Variants in TACC2 observed in about 807,000 individuals in gnomAD.
The protein encoded by TACC2 is transforming acidic coiled-coil containing protein 2, also known as transforming acidic coiled-coil-containing protein 2.
Under a neutral mutation model 227.3 loss-of-function variants are expected in TACC2, and 137 were observed. The ratio of observed to expected loss-of-function variants is 0.60; its 90% CI spans 0.52 to 0.69. The LOEUF (loss-of-function observed/expected upper bound fraction) is 0.69, where lower values mean the gene tolerates loss of function less well. Among genes scored for constraint, TACC2 ranks in the 30% least tolerant of loss-of-function variants. The pLI is 0.00. For synonymous variants in TACC2, 1,523 were observed against 1,487.5 expected (o/e 1.02, Z -0.55); for missense variants, 3,470 against 3,694.4 (o/e 0.94, Z 1.57).
Position 122,254,518 on chromosome 10 carries a change from A to C in TACC2, c.*462A>C, listed in dbSNP as rs1487511484. Reference sequence around the variant, plus strand: ...CAAATAAAATTCTCTATTGTAAATAAAATTTTTTCTTTGGATCTTGGCAAT... The same window carrying C: ...CAAATAAAATTCTCTATTGTAAATACAATTTTTTCTTTGGATCTTGGCAAT... On this transcript the variant is annotated 3_prime_UTR_variant, in exon 23 of 23. Coordinates refer to ENST00000369005, the MANE Select transcript of TACC2 (RefSeq NM_206862.4). The C allele has an allele frequency of 6.4e-6, 1 of 155,646 alleles. No homozygotes were observed. The highest frequency in any genetic ancestry group is 1.4e-5 in the Non-Finnish European group (1 of 70,388). 9.6% of individuals were successfully genotyped at this position (155,646 alleles called of 1,614,324 possible).
chr10:122,143,820 C>A, intron 7 of TACC2, 114 bp downstream of exon 7: 1 of 1,225,230 alleles, frequency 8.2e-7, no homozygotes, highest in Non-Finnish European at 1.1e-6. Flanking sequence ...AGGTGGTGAC[C>A]ATTTGGCCCC....
chr10:122,091,987 A>G (rs547259635), intron 5 of TACC2, among the ~76,000 whole-genome samples: 29 of 152,340 alleles, frequency 1.9e-4, no homozygotes, highest in African/African-American at 7.0e-4. Flanking sequence ...AATTGCCATG[A>G]GGGTTAAATG....
intron 5 of TACC2, among the ~76,000 whole-genome samples, chr10:122,091,965 C>T (rs923963391): frequency 6.6e-6 from 1 of 152,210 alleles, no homozygotes; most frequent in African/African-American, 2.4e-5. Context: ...ACCAATTGTA[C>T]CTGCCTCAAA....
intron 7 of TACC2, among the ~76,000 whole-genome samples, chr10:122,157,539 G>A (rs932809185): frequency 2.6e-5 from 4 of 151,524 alleles, no homozygotes; most frequent in African/African-American, 7.3e-5. Context: ...TTAACCTGTC[G>A]GATTTTATGA....
At chr10:122,138,238 G>A (rs548389325) in intron 6 of TACC2, among the ~76,000 whole-genome samples, 2 of 152,204 alleles carry the variant, frequency 1.3e-5, no homozygotes, top group South Asian at 2.1e-4. Flanking sequence ...GGTTGGGTGC[G>A]GTGGCTTATG....
In TACC2 at chr10:122,028,250, C is replaced by T. The variant is rs550008079; in HGVS notation, c.33+6236C>T. Reference sequence around the variant, plus strand: ...GATTACAGGTGCATGCCACCATGCCCGGCTAATTTTTGTACTTTTAGTAGA... The same window carrying T: ...GATTACAGGTGCATGCCACCATGCCTGGCTAATTTTTGTACTTTTAGTAGA... On this transcript the variant is annotated intron_variant, in intron 2 of 22. Transcript: ENST00000369005. 6.1e-4 allele frequency among the ~76,000 whole-genome samples: 92 copies of T among 151,548 alleles called. 2 individuals are homozygous for T. The South Asian group carries it at 0.016, about 27-fold the overall frequency.
chr10:122,046,898 A>G (rs970541804), intron 2 of TACC2, among the ~76,000 whole-genome samples: 3 of 152,196 alleles, frequency 2.0e-5, no homozygotes, highest in African/African-American at 7.2e-5. Context: ...AATTTCAAAA[A>G]TGCAGGACCC....
At position 122,254,095 on chromosome 10, in the gene TACC2, A is replaced by G. The variant is rs755933143; in HGVS notation, c.*39A>G. The G allele has an allele frequency of 3.2e-6, 5 of 1,561,800 alleles. No homozygotes were observed. In the East Asian group the frequency reaches 9.0e-5, roughly 28 times the overall value. On this transcript the variant is annotated 3_prime_UTR_variant, in exon 23 of 23. Transcript: ENST00000369005. ...GTTTTGGACTTAACTGTTGCGTGCAATATGACCGTCGGCACACTGCTGTTC... is the reference window on the plus strand; with the variant it reads ...GTTTTGGACTTAACTGTTGCGTGCAGTATGACCGTCGGCACACTGCTGTTC...
chr10:122,075,634 C>T (rs919837377), intron 3 of TACC2, among the ~76,000 whole-genome samples: 10 of 152,158 alleles, frequency 6.6e-5, no homozygotes, highest in Non-Finnish European at 2.9e-5. Flanking sequence ...AGCTGGGGAT[C>T]ACCTTTCAGT....
At chr10:122,041,412 A>G (rs2074242384) in intron 2 of TACC2, among the ~76,000 whole-genome samples, 1 of 151,174 alleles carries the variant, frequency 6.6e-6, no homozygotes, top group African/African-American at 2.4e-5. Flanking sequence ...GAATTAATTC[A>G]ATCTTCATGA....
rs772316313 is a variant in TACC2 at position 122,254,032 on chromosome 10, G to A, written c.8823G>A (p.Leu2941=). 6.2e-7 allele frequency: 1 copy of A among 1,614,180 alleles called. No homozygotes were observed. Among genetic ancestry groups the A allele is most frequent in the Non-Finnish European group, 8.5e-7 (1 of 1,180,032 alleles). Residue 2941 remains leucine, a synonymous_variant, in exon 23 of 23, where the codon CTG becomes CTA. Coordinates refer to ENST00000369005, the MANE Select transcript of TACC2 (RefSeq NM_206862.4). ...AACTCACCAAGATTTGTGACGAACTGATTGCCAAAATGGGGAAAAGCTAAC... is the reference window on the plus strand; with the variant it reads ...AACTCACCAAGATTTGTGACGAACTAATTGCCAAAATGGGGAAAAGCTAAC... The part of the protein sequence containing the change: ...IEELTKICDE[L]IAKMGKS
chr10:122,012,907 G>C (rs904188300), intron 1 of TACC2, among the ~76,000 whole-genome samples: 1 of 152,100 alleles, frequency 6.6e-6, no homozygotes, highest in Non-Finnish European at 1.5e-5. Flanking sequence ...TGAAGCAGTG[G>C]GCCACGGTGC....
In TACC2 at chr10:122,237,447, C is replaced by G. The variant is rs148958039; in HGVS notation, c.8180C>G (p.Ser2727Cys). Residue 2727 changes from serine (S) to cysteine (C), a missense_variant, in exon 17 of 23, where the codon TCC becomes TGC. By Grantham distance (112) the Ser-to-Cys change is moderately radical. Around this residue, in one of 10 missense-constraint regions of TACC2, gnomAD observed 345 missense variants for 354.4 expected, o/e 0.97. Coordinates refer to ENST00000369005, the MANE Select transcript of TACC2 (RefSeq NM_206862.4). Reference sequence around the variant, plus strand: ...TCCATCTCCAAAACAGCCTTGTACTCCCGCATCGGGACCGCTGAGGTGGAG... The same window carrying G: ...TCCATCTCCAAAACAGCCTTGTACTGCCGCATCGGGACCGCTGAGGTGGAG... ...DVSISKTALYSRIGTAEVEKP... is the reference protein window; with the variant it reads ...DVSISKTALYCRIGTAEVEKP... 6.2e-7 allele frequency: 1 copy of G among 1,614,100 alleles called. No homozygotes were observed. The highest frequency in any genetic ancestry group is 1.7e-5 in the Admixed American group (1 of 60,018).
At chr10:122,203,859 C>T (rs1417472813) in intron 8 of TACC2, among the ~76,000 whole-genome samples, 4 of 150,852 alleles carry the variant, frequency 2.7e-5, no homozygotes, top group African/African-American at 7.3e-5. Flanking sequence ...GCACTCCAGC[C>T]TTGGCACCAT....
chr10:122,228,063 G>T, intron 14 of TACC2, 55 bp downstream of exon 14: 1 of 1,552,318 alleles, frequency 6.4e-7, no homozygotes, highest in South Asian at 1.2e-5. Flanking sequence ...GGCCAGCTGC[G>T]TATTGTCACC....
At chr10:122,229,521 T>A (rs2095693354) in intron 15 of TACC2, 35 bp downstream of exon 15, 3 of 1,612,844 alleles carry the variant, frequency 1.9e-6, no homozygotes, top group Non-Finnish European at 1.7e-6. Context: ...TGGGAGTTTG[T>A]CAAAACCTCA....
chr10:122,073,882 C>G (rs1301583527), intron 3 of TACC2, among the ~76,000 whole-genome samples: 1 of 152,114 alleles, frequency 6.6e-6, no homozygotes, highest in East Asian at 1.9e-4. Flanking sequence ...TGGGTTCACA[C>G]CATTCTCCTG....
At chr10:122,061,963 A>T (rs924601653) in intron 3 of TACC2, among the ~76,000 whole-genome samples, 5 of 150,326 alleles carry the variant, frequency 3.3e-5, no homozygotes, top group Non-Finnish European at 5.9e-5. Context: ...CCTATCGTAG[A>T]TCCACAGGAA....
intron 5 of TACC2, among the ~76,000 whole-genome samples, chr10:122,112,124 C>G (rs1305320484): frequency 6.6e-6 from 1 of 152,002 alleles, no homozygotes; most frequent in Non-Finnish European, 1.5e-5. Context: ...CCCTTTGGTC[C>G]CTGAGTATAT....
Sources: allele counts gnomAD v4.1 joint callset (sites outside exome capture counted in the v4.1 genomes callset), GRCh38; gene constraint gnomAD v4.1.1; regional missense constraint gnomAD v4.1.1; transcripts MANE v1.5; gene names NCBI Gene and HGNC (gene_info 2026-07-23, HGNC 2026-07-21).